The following GRIK4 variants were observed in gnomAD, a reference collection of about 807,000 sequenced individuals.
The protein encoded by GRIK4 is glutamate ionotropic receptor kainate type subunit 4, also known as glutamate receptor ionotropic, kainate 4.
GRIK4 carries 40 observed loss-of-function variants against 104.9 expected under a neutral mutation model. That is an observed-to-expected ratio of 0.38 (90% CI 0.30 to 0.50). GRIK4 has a LOEUF of 0.50. Ranked by LOEUF, GRIK4 falls within the 20% of genes least tolerant of loss-of-function variation. The probability of loss-of-function intolerance (pLI) is 0.93; values close to 1 mark genes in which losing one functional copy is unlikely to be tolerated. For synonymous variants in GRIK4, 485 were observed against 524.9 expected (o/e 0.92, Z 1.04); for missense variants, 1,047 against 1,308.1 (o/e 0.80, Z 3.08).
chr11:120,910,870 T>C (rs1485481495), intron 13 of GRIK4, among the ~76,000 whole-genome samples: 1 of 152,160 alleles, frequency 6.6e-6, no homozygotes, highest in Non-Finnish European at 1.5e-5. Flanking sequence ...TGGGAGGTGA[T>C]GCTAGGCCTG....
chr11:120,934,459 G>A (rs866015907), intron 13 of GRIK4, among the ~76,000 whole-genome samples: 2 of 152,112 alleles, frequency 1.3e-5, no homozygotes, highest in Non-Finnish European at 2.9e-5. Flanking sequence ...TATTGTGAAG[G>A]CTCATCTTCC....
intron 3 of GRIK4, among the ~76,000 whole-genome samples, chr11:120,758,070 C>T (rs2093332423): frequency 6.6e-6 from 1 of 152,186 alleles, no homozygotes; most frequent in South Asian, 2.1e-4. Flanking sequence ...CCTCTGCATC[C>T]ATTTCCCTGG....
chr11:120,922,470 G>A (rs960757461), intron 13 of GRIK4, among the ~76,000 whole-genome samples: 1 of 152,146 alleles, frequency 6.6e-6, no homozygotes, highest in African/African-American at 2.4e-5. Context: ...TGAATAGATA[G>A]TCCTGCTTCA....
intron 1 of GRIK4, among the ~76,000 whole-genome samples, chr11:120,608,826 CCTT>C (rs144390143): frequency 0.02 from 3,012 of 152,232 alleles, 95 homozygotes; most frequent in African/African-American, 0.069. Context: ...CTTGGATGCT[CCTT>C]CTTCAAGGTG....
At chr11:120,709,720 A>G (rs1015464734) in intron 3 of GRIK4, among the ~76,000 whole-genome samples, 2 of 152,202 alleles carry the variant, frequency 1.3e-5, no homozygotes, top group Non-Finnish European at 2.9e-5. Context: ...CTGTTCACCC[A>G]GTTCCCAAAG....
chr11:120,643,739 GGTT>G (rs1949502289), intron 1 of GRIK4, among the ~76,000 whole-genome samples: 1 of 152,170 alleles, frequency 6.6e-6, no homozygotes. Flanking sequence ...TGCCTCTTAG[GGTT>G]GTTGTAGGAT....
rs892831269 is a variant in GRIK4, at chr11:120,566,700, C to A, written c.-159+54813C>A. Among the ~76,000 whole-genome samples, 77 of 148,208 alleles carry A rather than the reference C, an allele frequency of 5.2e-4. 1 individual carries two copies. Among genetic ancestry groups the A allele is most frequent in the Admixed American group, 5.2e-3 (76 of 14,642 alleles). On this transcript the variant is annotated intron_variant, in intron 1 of 20. Transcript: ENST00000527524. ...CACAAGATTTTTTTTCTTGTTTATA[C>A]CCTCAGTTTTTTTTTTTTTTTTGAG...
chr11:120,917,111 G>A (rs1943120137), intron 13 of GRIK4, among the ~76,000 whole-genome samples: 1 of 151,912 alleles, frequency 6.6e-6, no homozygotes, highest in African/African-American at 2.4e-5. Context: ...GCTGGGCATG[G>A]TGGCGCATGC....
At chr11:120,593,108 G>A (rs1316575689) in intron 1 of GRIK4, among the ~76,000 whole-genome samples, 4 of 151,732 alleles carry the variant, frequency 2.6e-5, no homozygotes, top group South Asian at 2.1e-4. Context: ...GCTTGAACCC[G>A]GGAGGCAGAG....
chr11:120,627,481 C>T (rs1234435879), intron 1 of GRIK4, among the ~76,000 whole-genome samples: 1 of 152,190 alleles, frequency 6.6e-6, no homozygotes, highest in Admixed American at 6.5e-5. Flanking sequence ...TGGGGTTGTG[C>T]TAGCTCCTTC....
chr11:120,843,214 C>T (rs945275852), intron 8 of GRIK4, among the ~76,000 whole-genome samples: 4 of 152,270 alleles, frequency 2.6e-5, no homozygotes, highest in East Asian at 1.9e-4. Flanking sequence ...TGGACTCCAG[C>T]GCCACCATTT....
intron 3 of GRIK4, among the ~76,000 whole-genome samples, chr11:120,662,528 G>C (rs184811651): frequency 2.0e-5 from 3 of 152,322 alleles, no homozygotes; most frequent in Non-Finnish European, 4.4e-5. Flanking sequence ...CTCCAGAGGG[G>C]ATGTGGAGTA....
At chr11:120,897,696 TAG>T (rs951040127) in intron 11 of GRIK4, among the ~76,000 whole-genome samples, 2 of 132,108 alleles carry the variant, frequency 1.5e-5, no homozygotes, top group African/African-American at 5.6e-5. Flanking sequence ...CAAAACACAA[TAG>T]AGAGAGAAAA....
At chr11:120,633,871 G>C (rs1349199476) in intron 1 of GRIK4, among the ~76,000 whole-genome samples, 1 of 152,164 alleles carries the variant, frequency 6.6e-6, no homozygotes, top group Non-Finnish European at 1.5e-5. Context: ...ACATCTCCCA[G>C]TGGGATGTGT....
intron 1 of GRIK4, among the ~76,000 whole-genome samples, chr11:120,590,324 G>A (rs961156847): frequency 4.6e-5 from 7 of 152,160 alleles, no homozygotes; most frequent in African/African-American, 1.7e-4. Flanking sequence ...TTCTGCCTGG[G>A]CAGAACATTT....
intron 3 of GRIK4, among the ~76,000 whole-genome samples, chr11:120,677,928 A>G (rs965483943): frequency 2.0e-5 from 3 of 152,226 alleles, no homozygotes; most frequent in Non-Finnish European, 2.9e-5. Flanking sequence ...AACAACCTCC[A>G]GAGGTAGGTT....
chr11:120,669,919 C>T (rs1949986190), intron 3 of GRIK4, among the ~76,000 whole-genome samples: 1 of 152,230 alleles, frequency 6.6e-6, no homozygotes, highest in Non-Finnish European at 1.5e-5. Context: ...CAGATTCATC[C>T]CCACTGGGAT....
At chr11:120,590,573 C>G (rs1017232179) in intron 1 of GRIK4, among the ~76,000 whole-genome samples, 6 of 152,140 alleles carry the variant, frequency 3.9e-5, no homozygotes, top group Non-Finnish European at 8.8e-5. Flanking sequence ...GTAATTGGCA[C>G]TCGCTTCAAT....
chr11:120,776,850 C>T (rs1031814165), intron 3 of GRIK4, among the ~76,000 whole-genome samples: 6 of 152,196 alleles, frequency 3.9e-5, no homozygotes, highest in Non-Finnish European at 7.4e-5. Context: ...GCAGGGCAGC[C>T]GGCTCTCCGC....
Sources: allele counts gnomAD v4.1 joint callset (sites outside exome capture counted in the v4.1 genomes callset), GRCh38; gene constraint gnomAD v4.1.1; transcripts MANE v1.5; gene names NCBI Gene and HGNC (gene_info 2026-07-23, HGNC 2026-07-21).